The following WFDC2 variants were observed in gnomAD, a reference collection of about 807,000 sequenced individuals.
WFDC2 encodes WAP four-disulfide core domain 2.
In WFDC2, 8 loss-of-function variants were observed where a neutral mutation model predicts 12.5. The ratio of observed to expected loss-of-function variants is 0.64; its 90% CI spans 0.37 to 1.15. The LOEUF (loss-of-function observed/expected upper bound fraction) is 1.15, where lower values mean the gene tolerates loss of function less well. Ranked by LOEUF, WFDC2 falls within the 50% of genes most tolerant of loss-of-function variation. The probability of loss-of-function intolerance (pLI) is 0.01; values close to 1 mark genes in which losing one functional copy is unlikely to be tolerated. For missense variants in WFDC2, 166 were observed against 159.9 expected (o/e 1.04, Z -0.21); for synonymous variants, 74 against 67.2 (o/e 1.10, Z -0.49).
chr20:45,480,172 G>A (rs562804746), intron 3 of WFDC2, 78 bp downstream of exon 3: 3 of 1,581,306 alleles, frequency 1.9e-6, no homozygotes, highest in Non-Finnish European at 2.6e-6. Context: ...CCAGGCGGAG[G>A]TGAAGGGAGG....
At position 45,480,009 on chromosome 20, in the gene WFDC2, C is replaced by G. The variant is rs780739822; in HGVS notation, c.291C>G (p.Cys97Trp). 1.6e-5 allele frequency: 26 copies of G among 1,614,114 alleles called. No homozygotes were observed. In the East Asian group the frequency reaches 5.8e-4, roughly 36 times the overall value. ...AGCTCGGCCTCTGTCGGGACCAGTG[C>G]CAGGTGGACAGCCAGTGTCCTGGCC... ...FPQLGLCRDQCQVDSQCPGQM... is the reference protein window; with the variant it reads ...FPQLGLCRDQWQVDSQCPGQM... The change falls in exon 3 of 4, where the codon TGC (cysteine) becomes TGG (tryptophan). Residue 97 changes from cysteine to tryptophan, a missense_variant. Coordinates refer to ENST00000372676, the MANE Select transcript of WFDC2 (RefSeq NM_006103.4).
intron 2 of WFDC2, among the ~76,000 whole-genome samples, chr20:45,475,683 C>T (rs1002184333): frequency 6.6e-6 from 1 of 152,172 alleles, no homozygotes; most frequent in Non-Finnish European, 1.5e-5. Flanking sequence ...CTGTAGATGT[C>T]TATTAGGTCT....
intron 2 of WFDC2, chr20:45,479,731 C>A: frequency 6.2e-7 from 1 of 1,614,036 alleles, no homozygotes; most frequent in African/African-American, 1.3e-5. Context: ...AAGCTGAGGT[C>A]CTGTGATTCC....
intron 1 of WFDC2, 28 bp downstream of exon 1, chr20:45,469,888 C>A: frequency 6.4e-7 from 1 of 1,574,668 alleles, no homozygotes; most frequent in Non-Finnish European, 8.6e-7. Flanking sequence ...AGGCCCGGCG[C>A]CTAGAGGGGC....
chr20:45,479,668 C>A (rs200691246), intron 2 of WFDC2: 11 of 1,613,476 alleles, frequency 6.8e-6, no homozygotes, highest in Admixed American at 3.3e-5. Flanking sequence ...CCTAAAGACA[C>A]GGAGGCTCTG....
intron 2 of WFDC2, among the ~76,000 whole-genome samples, chr20:45,476,074 A>T (rs1991229156): frequency 6.6e-6 from 1 of 152,032 alleles, no homozygotes; most frequent in African/African-American, 2.4e-5. Flanking sequence ...GTGTCTTTGC[A>T]CTTGAGATGG....
chr20:45,479,788 C>G, intron 2 of WFDC2, 154 bp from the exon 3 acceptor site: 3 of 1,613,660 alleles, frequency 1.9e-6, no homozygotes, highest in Non-Finnish European at 2.5e-6. Flanking sequence ...CCTGGGCCTC[C>G]TGAGAGCAGC....
rs1216333520 is a variant in WFDC2, at chr20:45,470,924, T to TG, written c.223+397dup. Reference sequence around the variant, plus strand: ...CACCTCTCCTCTTGGAGTCCCTCCCTGGGGGCCTCCCCCAGCCCTGGGGAA... The same window carrying TG: ...CACCTCTCCTCTTGGAGTCCCTCCCTGGGGGGCCTCCCCCAGCCCTGGGGAA... On this transcript the variant is annotated intron_variant, in intron 2 of 3. Coordinates refer to ENST00000372676, the MANE Select transcript of WFDC2 (RefSeq NM_006103.4). This position sits in a 1 kb window ranked among gnomAD's most constrained non-coding sequence, Gnocchi z 5.4. Among the ~76,000 whole-genome samples the TG allele has an allele frequency of 2.0e-5, 3 of 152,090 alleles. No homozygotes were observed. Among genetic ancestry groups the TG allele is most frequent in the Non-Finnish European group, 4.4e-5 (3 of 67,968 alleles).
intron 2 of WFDC2, among the ~76,000 whole-genome samples, chr20:45,474,107 A>T (rs1160012573): frequency 6.6e-6 from 1 of 152,198 alleles, no homozygotes; most frequent in African/African-American, 2.4e-5. Context: ...CTAAATATAC[A>T]ATCATTTCAT....
At chr20:45,477,961 G>T (rs571686047) in intron 2 of WFDC2, among the ~76,000 whole-genome samples, 1 of 152,314 alleles carries the variant, frequency 6.6e-6, no homozygotes, top group African/African-American at 2.4e-5. Flanking sequence ...TTTACTCTGT[G>T]AGGGGAAAAC....
chr20:45,469,928 C>T (rs1246712782), intron 1 of WFDC2, 68 bp downstream of exon 1: 5 of 1,544,118 alleles, frequency 3.2e-6, no homozygotes, highest in African/African-American at 1.4e-5. Flanking sequence ...TGGAGCCAGG[C>T]GGAGGCGTAG....
At chr20:45,475,216 C>T (rs1991219028) in intron 2 of WFDC2, among the ~76,000 whole-genome samples, 1 of 152,032 alleles carries the variant, frequency 6.6e-6, no homozygotes, top group Admixed American at 6.5e-5. Context: ...TTGTCTTCTG[C>T]TAGCTTTTGA....
intron 2 of WFDC2, 195 bp from the exon 3 acceptor site, chr20:45,479,747 G>A (rs1600849579): frequency 6.2e-7 from 1 of 1,613,992 alleles, no homozygotes; most frequent in East Asian, 2.2e-5. Context: ...ATTCCATTTG[G>A]GAGCAGGAGG....
chr20:45,477,309 GATTTATCT>G (rs1428484557), intron 2 of WFDC2, among the ~76,000 whole-genome samples: 2 of 152,174 alleles, frequency 1.3e-5, no homozygotes, highest in East Asian at 3.9e-4. Context: ...CATCTTCGTG[GATTTATCT>G]ACCTTTGGTC....
At chr20:45,479,652 C>G (rs753676610) in intron 2 of WFDC2, 1 of 1,608,248 alleles carries the variant, frequency 6.2e-7, no homozygotes, top group African/African-American at 1.3e-5. Flanking sequence ...CACTGTTCCA[C>G]TGGCACCTAA....
rs778715950 is a variant in WFDC2, at chr20:45,480,050, G to A, written c.332G>A (p.Arg111His). 7.6e-5 allele frequency: 123 copies of A among 1,614,074 alleles called. No homozygotes were observed. The highest frequency in any genetic ancestry group is 1.7e-4 in the Admixed American group (10 of 60,004). Residue 111 changes from arginine (R) to histidine (H), a missense_variant, in exon 3 of 4, where the codon CGC becomes CAC. By Grantham distance (29) the Arg-to-His change is conservative (BLOSUM62 0). Coordinates refer to ENST00000372676, the MANE Select transcript of WFDC2 (RefSeq NM_006103.4). ...TGTCCTGGCCAGATGAAATGCTGCC[G>A]CAATGGCTGTGGGAAGGTGTCCTGT... ...SQCPGQMKCC[R>H]NGCGKVSCVT...
intron 2 of WFDC2, among the ~76,000 whole-genome samples, chr20:45,475,654 T>A (rs550613661): frequency 1.6e-4 from 24 of 152,330 alleles, no homozygotes; most frequent in African/African-American, 5.8e-4. Flanking sequence ...TATATTCTGT[T>A]GATTTGGGGT....
chr20:45,473,554 G>T (rs935208052), intron 2 of WFDC2, among the ~76,000 whole-genome samples: 1 of 152,092 alleles, frequency 6.6e-6, no homozygotes, highest in African/African-American at 2.4e-5. Context: ...ATCTGTTTTG[G>T]TACCAGTACC....
chr20:45,478,896 C>T (rs1394720706), intron 2 of WFDC2, among the ~76,000 whole-genome samples: 1 of 152,242 alleles, frequency 6.6e-6, no homozygotes, highest in Non-Finnish European at 1.5e-5. Context: ...TGAGCCACTG[C>T]ACCCGGTGAT....
Sources: allele counts gnomAD v4.1 joint callset (sites outside exome capture counted in the v4.1 genomes callset), GRCh38; gene constraint gnomAD v4.1.1; non-coding constraint Gnocchi (gnomAD v3.1); transcripts MANE v1.5; gene names NCBI Gene and HGNC (gene_info 2026-07-23, HGNC 2026-07-21).